The following FBXL2 variants were observed in gnomAD, a reference collection of about 807,000 sequenced individuals.
FBXL2 encodes F-box/LRR-repeat protein 2.
A neutral mutation model predicts 69.2 loss-of-function variants in FBXL2; 38 were observed. That is an observed-to-expected ratio of 0.55 (90% CI 0.42 to 0.72). The LOEUF (loss-of-function observed/expected upper bound fraction) is 0.72. FBXL2 is among the 30% of genes least tolerant of loss of function. The probability of loss-of-function intolerance (pLI) is 0.00; values close to 1 mark genes in which losing one functional copy is unlikely to be tolerated. For synonymous variants in FBXL2, 192 were observed against 201.3 expected (o/e 0.95, Z 0.39); for missense variants, 354 against 520.3 (o/e 0.68, Z 3.11).
chr3:33,393,808 A>C (rs2043861555), intron 12 of FBXL2, among the ~76,000 whole-genome samples: 2 of 152,204 alleles, frequency 1.3e-5, no homozygotes, highest in Admixed American at 1.3e-4. Context: ...GCAAATGGAC[A>C]TGGGGGATCT....
chr3:33,411,815 T>C, the FBXL2 span: 4 of 714,202 alleles, frequency 5.6e-6, no homozygotes, highest in Middle Eastern at 2.8e-4. Context: ...ATGGTCTCCA[T>C]GATCAACTTC....
intron 2 of FBXL2, among the ~76,000 whole-genome samples, chr3:33,306,127 C>G (rs1331669132): frequency 6.6e-6 from 1 of 151,924 alleles, no homozygotes; most frequent in East Asian, 1.9e-4. Context: ...ATTTTTTGAG[C>G]CTTAGACAAT....
chr3:33,338,093 C>T (rs1021761267), intron 2 of FBXL2, among the ~76,000 whole-genome samples: 2 of 151,654 alleles, frequency 1.3e-5, no homozygotes, highest in African/African-American at 2.4e-5. Flanking sequence ...CCTTTTTTTT[C>T]ACAGAATTAG....
Position 33,376,168 on chromosome 3 carries a change from C to CA in FBXL2, c.788+758dup, listed in dbSNP as rs1279523021. Among the ~76,000 whole-genome samples, 25 of 134,696 alleles carry CA rather than the reference C, an allele frequency of 1.9e-4. No individual in the cohort carries two copies. In the Middle Eastern group the frequency reaches 0.011, roughly 61 times the overall value. 88.4% of individuals were successfully genotyped at this position (134,696 alleles called of 152,430 possible). A position where few individuals can be genotyped will look rare whatever the true frequency, so the allele number is the denominator to read the frequency against. Reference sequence around the variant, plus strand: ...TGAGACCCCATCTCAAAAAAAAAAACAAAAAAAACAATAATTTGTATTCTC... The same window carrying CA: ...TGAGACCCCATCTCAAAAAAAAAAACAAAAAAAAACAATAATTTGTATTCTC... On this transcript the variant is annotated intron_variant, in intron 10 of 14. Coordinates refer to ENST00000484457, the MANE Select transcript of FBXL2 (RefSeq NM_012157.5).
At chr3:33,300,757 G>A (rs2125726311) in intron 2 of FBXL2, among the ~76,000 whole-genome samples, 1 of 147,598 alleles carries the variant, frequency 6.8e-6, no homozygotes, top group African/African-American at 2.5e-5. Context: ...TGCCCAGGCT[G>A]GAGTGCAATG....
At chr3:33,289,967 AG>A (rs774348044) in intron 1 of FBXL2, among the ~76,000 whole-genome samples, 2 of 152,242 alleles carry the variant, frequency 1.3e-5, no homozygotes, top group Non-Finnish European at 2.9e-5. Context: ...AGGACAAGCC[AG>A]CCTTTGAGAA....
chr3:33,412,932 A>G, the FBXL2 span: 2 of 705,504 alleles, frequency 2.8e-6, no homozygotes, highest in Non-Finnish European at 5.1e-6. Context: ...AACACATACA[A>G]CTAGATTCTG....
intron 2 of FBXL2, among the ~76,000 whole-genome samples, chr3:33,357,172 A>C (rs1221866525): frequency 6.6e-6 from 1 of 152,240 alleles, no homozygotes; most frequent in African/African-American, 2.4e-5. Flanking sequence ...TGTTATTACC[A>C]GTATTGTTAT....
intron 2 of FBXL2, among the ~76,000 whole-genome samples, chr3:33,332,016 G>T (rs1273022984): frequency 2.0e-5 from 3 of 151,990 alleles, no homozygotes; most frequent in African/African-American, 7.2e-5. Flanking sequence ...CAATTTTTTA[G>T]AATGGATTAA....
chr3:33,396,339 A>G (rs2043994616), intron 12 of FBXL2: 1 of 1,260,820 alleles, frequency 7.9e-7, no homozygotes, highest in Non-Finnish European at 1.1e-6. Context: ...ACACATGTAC[A>G]AATATGACAA....
chr3:33,395,769 A>AG (rs1318407646), intron 12 of FBXL2, among the ~76,000 whole-genome samples: 1 of 149,640 alleles, frequency 6.7e-6, no homozygotes, highest in African/African-American at 2.5e-5. Flanking sequence ...AAAAAAAAAA[A>AG]AAAAGAAAAA....
At chr3:33,412,184 C>CT in the FBXL2 span, among the ~76,000 whole-genome samples, 1 of 110,016 alleles carries the variant, frequency 9.1e-6, no homozygotes, top group African/African-American at 3.4e-5. Context: ...GAAACTCCGT[C>CT]TCAAAAAAAA....
chr3:33,392,635 CG>C (rs2043813217), downstream of FBXL2: 1 of 1,594,142 alleles, frequency 6.3e-7, no homozygotes, highest in Non-Finnish European at 8.5e-7. Flanking sequence ...AAAGTAAATG[CG>C]TAAGTACAAT....
In FBXL2 at chr3:33,399,217, CCATGTTACTAGGTGGT is replaced by C. The variant is rs1035781301; in HGVS notation, n.1215-4010_1215-3995del. On this transcript the variant is annotated intron_variant and non_coding_transcript_variant, in intron 12 of 12. Transcript: ENST00000463736. The stretch of plus-strand genomic sequence containing the variant: ...GCACTTCTCAGGATGTTTGGCCAGG[CCATGTTACTAGGTGGT>C]CATGTTGGAAAAGAGTCCCAGAGCC... 1.2e-4 allele frequency among the ~76,000 whole-genome samples: 19 copies of C among 152,280 alleles called. 1 individual carries two copies. The highest frequency in any genetic ancestry group is 1.1e-3 in the Admixed American group (17 of 15,292).
intron 2 of FBXL2, among the ~76,000 whole-genome samples, chr3:33,343,757 A>G (rs993803215): frequency 6.6e-6 from 1 of 152,110 alleles, no homozygotes; most frequent in African/African-American, 2.4e-5. Context: ...AAGAAAGAGC[A>G]TATTTAAGAG....
chr3:33,384,877 A>G (rs2043312870), intron 14 of FBXL2, among the ~76,000 whole-genome samples: 1 of 152,002 alleles, frequency 6.6e-6, no homozygotes, highest in African/African-American at 2.4e-5. Flanking sequence ...CTCTACTAAT[A>G]ATATAAAAAT....
the FBXL2 span, chr3:33,408,849 G>T: frequency 7.0e-7 from 1 of 1,425,050 alleles, no homozygotes; most frequent in Non-Finnish European, 9.9e-7. Context: ...TACAAAGAAA[G>T]ATCTAACACC....
intron 5 of FBXL2, 149 bp from the exon 6 acceptor site, chr3:33,372,943 G>A: frequency 1.4e-6 from 1 of 709,352 alleles, no homozygotes; most frequent in East Asian, 2.6e-5. Flanking sequence ...TCTATCATCA[G>A]AATCTGCACT....
At chr3:33,287,877 G>A (rs1479346654) in intron 1 of FBXL2, among the ~76,000 whole-genome samples, 6 of 152,168 alleles carry the variant, frequency 3.9e-5, no homozygotes, top group African/African-American at 1.4e-4. Flanking sequence ...TGAGTCAGCA[G>A]TCTCTTTTAA....
Sources: gnomAD v4.1 joint callset for allele counts (sites outside exome capture counted in the v4.1 genomes callset) on GRCh38, gnomAD v4.1.1 for gene constraint, MANE v1.5 for transcripts, NCBI Gene and HGNC (gene_info 2026-07-23, HGNC 2026-07-21) for gene names.